The following SPIRE1 variants were observed in gnomAD, a reference collection of about 807,000 sequenced individuals.
SPIRE1 encodes spire type actin nucleation factor 1.
In SPIRE1, 40 loss-of-function variants were observed where a neutral mutation model predicts 94.1. The ratio of observed to expected loss-of-function variants is 0.43; its 90% CI spans 0.33 to 0.55. The LOEUF (loss-of-function observed/expected upper bound fraction) is 0.55, where lower values mean the gene tolerates loss of function less well. Ranked by LOEUF, SPIRE1 falls within the 20% of genes least tolerant of loss-of-function variation. SPIRE1 has a pLI of 0.06. For missense variants in SPIRE1, 838 were observed against 975.2 expected (o/e 0.86, Z 1.87); for synonymous variants, 376 against 371.7 (o/e 1.01, Z -0.13).
At chr18:12,563,364 G>A (rs1054376821) in intron 2 of SPIRE1, among the ~76,000 whole-genome samples, 2 of 151,950 alleles carry the variant, frequency 1.3e-5, no homozygotes, top group Non-Finnish European at 2.9e-5. Context: ...AGGCTGGAGT[G>A]CATTGGCCCT....
Position 12,476,977 on chromosome 18 carries a change from G to A in SPIRE1, c.1404+2722C>T, listed in dbSNP as rs1053057915. ...ATCCAGATCTCACATTTCTCTTTTC[G>A]GCAATTTATTGCTTGCTTCATGTTC... is the stretch of plus-strand genomic sequence containing the variant. On this transcript the variant is annotated intron_variant, in intron 10 of 16. Coordinates refer to ENST00000409402, the MANE Select transcript of SPIRE1 (RefSeq NM_001128626.2). Among the ~76,000 whole-genome samples, 5 of 151,990 alleles carry A rather than the reference G, an allele frequency of 3.3e-5. No individual in the cohort carries two copies. In the East Asian group the frequency reaches 5.8e-4, roughly 18 times the overall value.
intron 2 of SPIRE1, among the ~76,000 whole-genome samples, chr18:12,574,817 A>G (rs1381315938): frequency 6.6e-6 from 1 of 152,228 alleles, no homozygotes; most frequent in Non-Finnish European, 1.5e-5. Flanking sequence ...GGAAAGGGAG[A>G]AAAGGATGAA....
At chr18:12,473,434 T>G (rs1186725808) in intron 10 of SPIRE1, among the ~76,000 whole-genome samples, 2 of 152,188 alleles carry the variant, frequency 1.3e-5, no homozygotes, top group Non-Finnish European at 2.9e-5. Context: ...AGTGTTGCTC[T>G]TTATAATGGT....
At chr18:12,526,769 G>A (rs187372995) in intron 4 of SPIRE1, among the ~76,000 whole-genome samples, 2 of 151,988 alleles carry the variant, frequency 1.3e-5, no homozygotes, top group Admixed American at 6.6e-5. Flanking sequence ...GAGTGCAGTG[G>A]CATGATCTTG....
intron 6 of SPIRE1, among the ~76,000 whole-genome samples, chr18:12,499,431 T>C (rs940991204): frequency 2.6e-5 from 4 of 152,202 alleles, no homozygotes; most frequent in African/African-American, 9.7e-5. Flanking sequence ...ACCAACTTTT[T>C]CTTTTTCAAG....
intron 3 of SPIRE1, among the ~76,000 whole-genome samples, chr18:12,536,650 T>C (rs2034852775): frequency 2.0e-5 from 3 of 152,198 alleles, no homozygotes; most frequent in African/African-American, 4.8e-5. Flanking sequence ...TCCTTTACCA[T>C]ACATAGTCCA....
Position 12,453,112 on chromosome 18 carries a change from C to T in SPIRE1, c.1803G>A (p.Arg601=). 1.2e-6 allele frequency: 2 copies of T among 1,607,936 alleles called. No individual in the cohort carries two copies. The highest frequency in any genetic ancestry group is 1.7e-6 in the Non-Finnish European group (2 of 1,178,514). ...TATAAGACCAAGTGAAGAAGGAAAA[C>T]CTCCTGGTTCGGCAACAAAAGCAGA... ...GKLCFCCRTR[R]FSFFTWSYTC... The change falls in exon 14 of 17, where the codon AGG becomes AGA. Residue 601 remains arginine (R), a synonymous_variant. Transcript: ENST00000409402.
At chr18:12,515,621 A>G (rs2034173608) in intron 4 of SPIRE1, among the ~76,000 whole-genome samples, 1 of 152,220 alleles carries the variant, frequency 6.6e-6, no homozygotes, top group Non-Finnish European at 1.5e-5. Context: ...TTTCAGGAAC[A>G]ACGTCCTCTT....
Position 12,479,834 on chromosome 18 carries a change from C to T in SPIRE1, c.1269G>A (p.Glu423=), listed in dbSNP as rs2032774261. The T allele has an allele frequency of 6.8e-6, 11 of 1,613,986 alleles. No homozygotes were observed. The highest frequency in any genetic ancestry group is 6.7e-5 in the African/African-American group (5 of 75,032). The change falls in exon 10 of 17, where the codon GAG becomes GAA. Residue 423 remains glutamate (E), a synonymous_variant. Coordinates refer to ENST00000409402, the MANE Select transcript of SPIRE1 (RefSeq NM_001128626.2). The stretch of plus-strand genomic sequence containing the variant: ...TCAAACCTCCATTCACCATAGATGA[C>T]TCCACAAGATTCTTTGTAGATTCAG... ...TTPESTKNLV[E]SSMVNGGLTS... is the part of the protein sequence containing the mutation.
chr18:12,527,039 A>C (rs2034543287), intron 4 of SPIRE1, among the ~76,000 whole-genome samples: 1 of 152,140 alleles, frequency 6.6e-6, no homozygotes, highest in African/African-American at 2.4e-5. Flanking sequence ...TTGCATGAAT[A>C]AAATGATTCT....
chr18:12,451,966 C>G (rs1186978592), intron 16 of SPIRE1, among the ~76,000 whole-genome samples: 1 of 152,100 alleles, frequency 6.6e-6, no homozygotes, highest in Admixed American at 6.6e-5. Flanking sequence ...CCATTGAAAA[C>G]AAGGTCAGTT....
chr18:12,487,995 ACCAGCACAT>A (rs1453508790), intron 8 of SPIRE1, among the ~76,000 whole-genome samples: 1 of 152,128 alleles, frequency 6.6e-6, no homozygotes. Flanking sequence ...TTGTTCAGAA[ACCAGCACAT>A]CAGACACTGA....
chr18:12,556,392 T>C (rs2035504384), intron 2 of SPIRE1, among the ~76,000 whole-genome samples: 7 of 152,202 alleles, frequency 4.6e-5, no homozygotes. Flanking sequence ...AGGAATCATG[T>C]TAACTTTAAA....
At chr18:12,456,898 C>CATG (rs1246024008) in intron 12 of SPIRE1, among the ~76,000 whole-genome samples, 6 of 152,308 alleles carry the variant, frequency 3.9e-5, no homozygotes, top group African/African-American at 1.2e-4. Context: ...AGCACAGTGG[C>CATG]ATGATCTTGG....
At chr18:12,530,185 T>C (rs867728226) in intron 4 of SPIRE1, among the ~76,000 whole-genome samples, 12 of 152,198 alleles carry the variant, frequency 7.9e-5, no homozygotes, top group African/African-American at 2.7e-4. Context: ...AATAATTTCA[T>C]AGAAAATTCT....
intron 12 of SPIRE1, among the ~76,000 whole-genome samples, chr18:12,454,928 T>C (rs1330011248): frequency 6.6e-6 from 1 of 151,832 alleles, no homozygotes; most frequent in African/African-American, 2.4e-5. Context: ...AAAGCAAATC[T>C]ACAGTGGTCC....
At chr18:12,631,490 C>T (rs758152612) in intron 2 of SPIRE1, among the ~76,000 whole-genome samples, 1 of 122,986 alleles carries the variant, frequency 8.1e-6, no homozygotes, top group Non-Finnish European at 1.6e-5. Context: ...GGCATGAGGA[C>T]TGCTTGAGCT....
chr18:12,576,143 C>A (rs1432575793), intron 2 of SPIRE1, among the ~76,000 whole-genome samples: 2 of 151,512 alleles, frequency 1.3e-5, no homozygotes, highest in African/African-American at 4.9e-5. Flanking sequence ...GGAGAGGTTG[C>A]AGTGAGCCGA....
chr18:12,575,036 A>G (rs1194086978), intron 2 of SPIRE1, among the ~76,000 whole-genome samples: 2 of 152,208 alleles, frequency 1.3e-5, no homozygotes, highest in Non-Finnish European at 2.9e-5. Flanking sequence ...AGAAAATTCA[A>G]TGAAGAAAAG....
Sources: allele counts gnomAD v4.1 joint callset (sites outside exome capture counted in the v4.1 genomes callset), GRCh38; gene constraint gnomAD v4.1.1; transcripts MANE v1.5; gene names NCBI Gene and HGNC (gene_info 2026-07-23, HGNC 2026-07-21).